Variants in ABCB1 observed in about 807,000 individuals in gnomAD.
The protein encoded by ABCB1 is ATP binding cassette subfamily B member 1.
In ABCB1, 69 loss-of-function variants were observed where a neutral mutation model predicts 142.0. That is an observed-to-expected ratio of 0.49 (90% CI 0.40 to 0.59). ABCB1 has a LOEUF of 0.59. Ranked by LOEUF, ABCB1 falls within the 20% of genes least tolerant of loss-of-function variation. ABCB1 has a pLI of 0.00. For missense variants in ABCB1, 1,326 were observed against 1,554.7 expected (o/e 0.85, Z 2.47); for synonymous variants, 532 against 539.2 (o/e 0.99, Z 0.18).
intron 1 of ABCB1, chr7:87,710,459 A>T: frequency 1.6e-6 from 1 of 642,172 alleles, no homozygotes; most frequent in Non-Finnish European, 2.7e-6. Flanking sequence ...AGTCGTTATC[A>T]AATGTATATT....
chr7:87,567,117 G>A (rs1817816078), intron 5 of ABCB1, 141 bp from the exon 6 acceptor site: 2 of 769,224 alleles, frequency 2.6e-6, no homozygotes. Flanking sequence ...GTAACAAGCA[G>A]AGTTGATAGT....
intron 1 of ABCB1, among the ~76,000 whole-genome samples, chr7:87,634,711 C>T (rs1428682597): frequency 6.6e-6 from 1 of 151,846 alleles, no homozygotes; most frequent in African/African-American, 2.4e-5. Flanking sequence ...TTGAGTATGC[C>T]TCATAAGACT....
intron 1 of ABCB1, among the ~76,000 whole-genome samples, chr7:87,699,511 C>T (rs755838662): frequency 6.6e-6 from 1 of 152,138 alleles, no homozygotes; most frequent in South Asian, 2.1e-4. Flanking sequence ...TCAAGTGATC[C>T]TCCTGCCTCA....
At chr7:87,599,636 G>A (rs1199569360) in intron 2 of ABCB1, among the ~76,000 whole-genome samples, 1 of 152,172 alleles carries the variant, frequency 6.6e-6, no homozygotes, top group African/African-American at 2.4e-5. Context: ...AATGAAAAGA[G>A]GTTGGTGAAT....
At chr7:87,675,855 T>C (rs1452134406) in intron 1 of ABCB1, among the ~76,000 whole-genome samples, 13 of 152,130 alleles carry the variant, frequency 8.5e-5, no homozygotes, top group Admixed American at 8.5e-4. Flanking sequence ...TTGGCAAAGA[T>C]ATTTTTGGAC....
chr7:87,566,650 C>T lies in ABCB1; in HGVS notation c.530+135G>A. Reference sequence around the variant, plus strand: ...CAAAAGGATGCACACGACATTGTTGCTGCTTAGAAGGAATTTTGTCTCATA... The same window carrying T: ...CAAAAGGATGCACACGACATTGTTGTTGCTTAGAAGGAATTTTGTCTCATA... On this transcript the variant is annotated intron_variant, in intron 6 of 27. Transcript: ENST00000622132. 5 of 895,418 alleles carry T rather than the reference C, an allele frequency of 5.6e-6. No homozygotes were observed. In the South Asian group the frequency reaches 5.8e-5, roughly 10 times the overall value. The allele number at this position is 895,418 out of a possible 1,614,324, so 55.5% of individuals were successfully genotyped here. A position where few individuals can be genotyped will look rare whatever the true frequency, so the allele number is the denominator to read the frequency against.
chr7:87,505,771 AT>A (rs1198265888), intron 27 of ABCB1, 125 bp downstream of exon 27: 6 of 1,195,690 alleles, frequency 5.0e-6, no homozygotes, highest in Non-Finnish European at 4.9e-6. Context: ...AAGTGTTTAC[AT>A]TTTACTGAAA....
chr7:87,624,456 G>A (rs1820335984), intron 1 of ABCB1, among the ~76,000 whole-genome samples: 1 of 152,088 alleles, frequency 6.6e-6, no homozygotes, highest in African/African-American at 2.4e-5. Context: ...TTTATATGTT[G>A]CACTTGTAAT....
intron 1 of ABCB1, among the ~76,000 whole-genome samples, chr7:87,616,336 C>T (rs937237346): frequency 2.0e-5 from 3 of 152,126 alleles, no homozygotes; most frequent in African/African-American, 7.2e-5. Context: ...ACCTGAAAGA[C>T]TATAAAGCGT....
At chr7:87,620,918 G>C (rs1820199644) in intron 1 of ABCB1, among the ~76,000 whole-genome samples, 1 of 151,678 alleles carries the variant, frequency 6.6e-6, no homozygotes, top group Admixed American at 6.6e-5. Flanking sequence ...AAGTGTAGTG[G>C]AAAAAAAGAA....
intron 1 of ABCB1, among the ~76,000 whole-genome samples, chr7:87,675,804 A>T (rs921048103): frequency 2.0e-5 from 3 of 152,112 alleles, no homozygotes; most frequent in Non-Finnish European, 4.4e-5. Flanking sequence ...CTGTAAAATT[A>T]CTAAAAGAAA....
At chr7:87,698,168 C>T (rs1372463294) in intron 1 of ABCB1, among the ~76,000 whole-genome samples, 4 of 152,134 alleles carry the variant, frequency 2.6e-5, no homozygotes, top group African/African-American at 7.2e-5. Flanking sequence ...GGCACGATCT[C>T]GGCTCACTGC....
chr7:87,681,744 G>A lies in ABCB1; in HGVS notation c.-331+31417C>T, dbSNP rs140290936. 2.9e-5 allele frequency among the ~76,000 whole-genome samples: 4 copies of A among 138,068 alleles called. 1 individual carries two copies. Among genetic ancestry groups the A allele is most frequent in the African/African-American group, 1.1e-4 (4 of 35,126 alleles). The allele number at this position is 138,068 out of a possible 152,430, so 90.6% of individuals were successfully genotyped here. ...AAGACAACAATGGGCTGGGCACAGT[G>A]GCTTACAGCTATAATCCCAGCACTT... On this transcript the variant is annotated intron_variant, in intron 1 of 28. Coordinates refer to the ABCB1 transcript ENST00000265724.
At chr7:87,554,013 G>T (rs997879609) in intron 8 of ABCB1, 81 bp from the exon 9 acceptor site, 10 of 1,313,292 alleles carry the variant, frequency 7.6e-6, no homozygotes, top group Non-Finnish European at 1.1e-5. Context: ...GAGTGGCTAG[G>T]ATGTGTTCAG....
chr7:87,667,168 G>C (rs538517268), intron 1 of ABCB1, among the ~76,000 whole-genome samples: 1 of 152,138 alleles, frequency 6.6e-6, no homozygotes, highest in African/African-American at 2.4e-5. Context: ...TCTTTGAGCA[G>C]GGTTTTGTAA....
At position 87,521,973 on chromosome 7, in the gene ABCB1, A is replaced by G. The variant is rs1382846780; in HGVS notation, c.2686-1097T>C. 4.9e-5 allele frequency: 40 copies of G among 816,446 alleles called. No individual in the cohort carries two copies. In the East Asian group the frequency reaches 9.7e-4, roughly 20 times the overall value. 50.6% of individuals were successfully genotyped at this position (816,446 alleles called of 1,614,324 possible). A position where few individuals can be genotyped will look rare whatever the true frequency, so the allele number is the denominator to read the frequency against. On this transcript the variant is annotated intron_variant, in intron 21 of 27. Transcript: ENST00000622132. Reference sequence around the variant, plus strand: ...TCACTGAGAAATACCCATACTGTGAATGGCCACACTTGTGAAGTTAGGAAA... The same window carrying G: ...TCACTGAGAAATACCCATACTGTGAGTGGCCACACTTGTGAAGTTAGGAAA...
intron 22 of ABCB1, among the ~76,000 whole-genome samples, 154 bp from the exon 23 acceptor site, chr7:87,519,620 C>G (rs1056663666): frequency 6.6e-6 from 1 of 152,214 alleles, no homozygotes; most frequent in Non-Finnish European, 1.5e-5. Context: ...TTACACTTAA[C>G]AGTTGTGCAA....
rs1041940774 is a variant in ABCB1 at position 87,531,771 on chromosome 7, G to A, written c.2482-274C>T. 47 of 403,808 alleles carry A rather than the reference G, an allele frequency of 1.2e-4. 1 individual carries two copies. Among genetic ancestry groups the A allele is most frequent in the African/African-American group, 6.9e-4 (34 of 49,536 alleles). The allele number at this position is 403,808 out of a possible 1,614,324, so 25.0% of individuals were successfully genotyped here. A position where few individuals can be genotyped will look rare whatever the true frequency, so the allele number is the denominator to read the frequency against. ...TACCAAGAAAACCTTCATTAATCAC[G>A]GCAACATTACTAAAGCAATATCTGC... is the stretch of plus-strand genomic sequence containing the variant. On this transcript the variant is annotated intron_variant, in intron 20 of 27. Transcript: ENST00000622132.
chr7:87,620,144 T>C (rs1820173555), intron 1 of ABCB1, among the ~76,000 whole-genome samples: 1 of 152,034 alleles, frequency 6.6e-6, no homozygotes, highest in East Asian at 1.9e-4. Flanking sequence ...TAACTCATTT[T>C]TTTCTTTTCT....
Sources: allele counts gnomAD v4.1 joint callset (sites outside exome capture counted in the v4.1 genomes callset), GRCh38; gene constraint gnomAD v4.1.1; transcripts MANE v1.5; gene names NCBI Gene and HGNC (gene_info 2026-07-23, HGNC 2026-07-21).